GANC: variants seen among roughly 807,000 people sequenced by gnomAD.
GANC encodes glucosidase alpha, neutral C.
GANC carries 117 observed loss-of-function variants against 124.2 expected under a neutral mutation model. The ratio of observed to expected loss-of-function variants is 0.94; its 90% CI spans 0.81 to 1.10. GANC has a LOEUF of 1.10. Ranked by LOEUF, GANC falls within the 50% of genes least tolerant of loss-of-function variation. The pLI is 0.00. For synonymous variants in GANC, 377 were observed against 376.8 expected (o/e 1.00, Z -0.01); for missense variants, 1,140 against 1,095.0 (o/e 1.04, Z -0.58).
intron 10 of GANC, 68 bp from the exon 11 acceptor site, chr15:42,321,717 A>G: frequency 1.5e-6 from 2 of 1,318,830 alleles, no homozygotes; most frequent in South Asian, 1.2e-5. Flanking sequence ...GACATTCAGG[A>G]AATGTTTATC....
At chr15:42,288,845 C>CT (rs1167319501) in intron 4 of GANC, among the ~76,000 whole-genome samples, 2 of 152,090 alleles carry the variant, frequency 1.3e-5, no homozygotes, top group Admixed American at 1.3e-4. Context: ...TTAAAAGAGA[C>CT]TGTTTCTCAA....
intron 9 of GANC, 95 bp from the exon 10 acceptor site, chr15:42,310,598 A>C (rs1182986239): frequency 6.7e-7 from 1 of 1,495,400 alleles, no homozygotes. Flanking sequence ...GAATATCAGT[A>C]GTATCTACTA....
chr15:42,297,134 G>A lies in GANC; in HGVS notation c.513-477G>A, dbSNP rs551809005. Among the ~76,000 whole-genome samples, 37 of 152,164 alleles carry A rather than the reference G, an allele frequency of 2.4e-4. 1 individual carries two copies. Among genetic ancestry groups the A allele is most frequent in the South Asian group, 6.2e-4 (3 of 4,826 alleles). On this transcript the variant is annotated intron_variant, in intron 5 of 23. Coordinates refer to ENST00000318010, the MANE Select transcript of GANC (RefSeq NM_198141.3). Reference sequence around the variant, plus strand: ...TTCTGGGAGTGAGGAGAGTTACACCGAGTGTAGGGAGCTATGTTCTACCTT... The same window carrying A: ...TTCTGGGAGTGAGGAGAGTTACACCAAGTGTAGGGAGCTATGTTCTACCTT...
chr15:42,314,819 T>C (rs187257094), intron 10 of GANC: 2 of 152,408 alleles, frequency 1.3e-5, no homozygotes, highest in East Asian at 1.9e-4. Flanking sequence ...AGAATAAATA[T>C]TGTGGCCTTA....
chr15:42,279,057 G>GTAATAGGTAT (rs1205145543), intron 3 of GANC, among the ~76,000 whole-genome samples: 2 of 152,156 alleles, frequency 1.3e-5, no homozygotes, highest in Non-Finnish European at 2.9e-5. Context: ...TAATAATATT[G>GTAATAGGTAT]TAATAGGTAT....
intron 10 of GANC, among the ~76,000 whole-genome samples, chr15:42,313,433 G>T (rs1158941918): frequency 6.6e-6 from 1 of 152,194 alleles, no homozygotes; most frequent in Non-Finnish European, 1.5e-5. Context: ...AGAACATAAA[G>T]TGAAAAAGCA....
chr15:42,302,388 A>T (rs2051953637), intron 6 of GANC, among the ~76,000 whole-genome samples: 1 of 152,190 alleles, frequency 6.6e-6, no homozygotes, highest in African/African-American at 2.4e-5. Flanking sequence ...AATCCATGAA[A>T]GTAAGGAAAA....
chr15:42,273,511 A>C lies in GANC; in HGVS notation c.-971A>C, dbSNP rs2051608454. On this transcript the variant is annotated 5_prime_UTR_variant, in exon 1 of 24. Transcript: ENST00000318010. ...TATCCGGGTCCTGGAAACGTCGCGG[A>C]GCTTGTTTGCTGTGCGGCGTAGCGG... 1 of 1,513,374 alleles carries C rather than the reference A, an allele frequency of 6.6e-7. No individual in the cohort carries two copies. The highest frequency in any genetic ancestry group is 2.0e-5 in the Admixed American group (1 of 50,012). The allele number at this position is 1,513,374 out of a possible 1,614,324, so 93.7% of individuals were successfully genotyped here. A position where few individuals can be genotyped will look rare whatever the true frequency, so the allele number is the denominator to read the frequency against.
chr15:42,347,462 G>C (rs2052375770), intron 20 of GANC, among the ~76,000 whole-genome samples: 1 of 152,164 alleles, frequency 6.6e-6, no homozygotes, highest in African/African-American at 2.4e-5. Flanking sequence ...AAGACTCATA[G>C]TTATGGGCCT....
chr15:42,343,012 A>T, intron 18 of GANC, 66 bp from the exon 19 acceptor site: 1 of 1,359,588 alleles, frequency 7.4e-7, no homozygotes, highest in Non-Finnish European at 1.0e-6. Context: ...GCACTCAGTT[A>T]AAGAGAAAGG....
At chr15:42,315,607 A>G (rs557974063) in intron 10 of GANC, among the ~76,000 whole-genome samples, 9 of 152,360 alleles carry the variant, frequency 5.9e-5, no homozygotes, top group African/African-American at 1.9e-4. Context: ...TAGAATTACC[A>G]TATGACTCAG....
At chr15:42,347,369 A>G (rs1230882710) in intron 20 of GANC, among the ~76,000 whole-genome samples, 1 of 152,146 alleles carries the variant, frequency 6.6e-6, no homozygotes, top group Admixed American at 6.5e-5. Flanking sequence ...AGAGCAAAGC[A>G]CAAGCCCTTC....
intron 5 of GANC, among the ~76,000 whole-genome samples, chr15:42,296,388 A>T (rs923006275): frequency 6.6e-6 from 1 of 151,918 alleles, no homozygotes; most frequent in African/African-American, 2.4e-5. Flanking sequence ...GGTTTAGTTT[A>T]GTTTTGTATT....
chr15:42,292,704 C>T (rs779948110), intron 4 of GANC, 31 bp from the exon 5 acceptor site: 2 of 1,604,318 alleles, frequency 1.2e-6, no homozygotes, highest in African/African-American at 1.3e-5. Flanking sequence ...CCTATAGCAG[C>T]TTGTTTCTCT....
At chr15:42,315,416 G>A (rs1235188020) in intron 10 of GANC, among the ~76,000 whole-genome samples, 1 of 152,140 alleles carries the variant, frequency 6.6e-6, no homozygotes. Flanking sequence ...TAGTCATTAG[G>A]AAAATGCAAA....
At chr15:42,313,129 TGAA>T (rs1185687972) in intron 10 of GANC, among the ~76,000 whole-genome samples, 1 of 152,166 alleles carries the variant, frequency 6.6e-6, no homozygotes, top group African/African-American at 2.4e-5. Context: ...GACCATTCGA[TGAA>T]GAAGAAATAG....
At chr15:42,333,457 A>G (rs1042233370) in intron 15 of GANC, among the ~76,000 whole-genome samples, 8 of 152,198 alleles carry the variant, frequency 5.3e-5, no homozygotes, top group Non-Finnish European at 1.2e-4. Context: ...AGTAGTATAT[A>G]TTTCATAAAA....
At chr15:42,280,842 C>T (rs1412464206) in intron 3 of GANC, 1 of 665,666 alleles carries the variant, frequency 1.5e-6, no homozygotes, top group East Asian at 2.7e-5. Context: ...TGGACACCCA[C>T]ATATGCCATT....
chr15:42,333,275 C>G (rs990817847), intron 15 of GANC, among the ~76,000 whole-genome samples: 2 of 151,692 alleles, frequency 1.3e-5, no homozygotes, highest in African/African-American at 4.8e-5. Context: ...TTGCAGTGAG[C>G]CAAGATTGCA....
Sources: gnomAD v4.1 joint callset for allele counts (sites outside exome capture counted in the v4.1 genomes callset) on GRCh38, gnomAD v4.1.1 for gene constraint, MANE v1.5 for transcripts, NCBI Gene and HGNC (gene_info 2026-07-23, HGNC 2026-07-21) for gene names.